The following CPD variants were observed in gnomAD, a reference collection of about 807,000 sequenced individuals.
CPD encodes the protein metallocarboxypeptidase D.
In CPD, 69 loss-of-function variants were observed where a neutral mutation model predicts 138.3. The ratio of observed to expected loss-of-function variants is 0.50; its 90% CI spans 0.41 to 0.61. CPD has a LOEUF of 0.61. Ranked by LOEUF, CPD falls within the 20% of genes least tolerant of loss-of-function variation. CPD has a pLI of 0.00. For synonymous variants in CPD, 651 were observed against 642.1 expected (o/e 1.01, Z -0.21); for missense variants, 1,432 against 1,733.3 (o/e 0.83, Z 3.09).
chr17:30,463,349 G>A (rs958423699), intron 20 of CPD, among the ~76,000 whole-genome samples: 13 of 152,182 alleles, frequency 8.5e-5, no homozygotes, highest in African/African-American at 2.4e-4. Context: ...TTCTGAGAGA[G>A]GGAGGAATCT....
In CPD at chr17:30,461,103, TTTG is replaced by T. The variant is rs1433430203; in HGVS notation, c.3499-72_3499-70del. On this transcript the variant is annotated intron_variant, in intron 17 of 20. Transcript: ENST00000225719. ...CTACGTTTTCTTTTCATTTACTCCA[TTTG>T]TTGTATTACAAAGCCTTATTCTTTC... 7 of 1,158,340 alleles carry T rather than the reference TTTG, an allele frequency of 6.0e-6. 1 individual carries two copies. In the African/African-American group the frequency reaches 1.1e-4, roughly 18 times the overall value. 71.8% of individuals were successfully genotyped at this position (1,158,340 alleles called of 1,614,324 possible). A position where few individuals can be genotyped will look rare whatever the true frequency, so the allele number is the denominator to read the frequency against.
chr17:30,390,228 G>C (rs1911315757), intron 2 of CPD, among the ~76,000 whole-genome samples: 1 of 152,098 alleles, frequency 6.6e-6, no homozygotes, highest in African/African-American at 2.4e-5. Context: ...TGTTGACCAG[G>C]CTGGTCTTGA....
At chr17:30,421,868 A>G in intron 4 of CPD, 35 bp downstream of exon 4, 1 of 1,489,676 alleles carries the variant, frequency 6.7e-7, no homozygotes, top group Non-Finnish European at 9.3e-7. Context: ...CTTAGTTAAA[A>G]TGTCAAGTCT....
At chr17:30,402,262 G>A (rs1363321018) in intron 2 of CPD, among the ~76,000 whole-genome samples, 1 of 151,832 alleles carries the variant, frequency 6.6e-6, no homozygotes, top group Non-Finnish European at 1.5e-5. Context: ...CTTTAAGACT[G>A]TTTAATCTTA....
At chr17:30,417,414 T>A (rs1302935879) in intron 2 of CPD, among the ~76,000 whole-genome samples, 1 of 152,148 alleles carries the variant, frequency 6.6e-6, no homozygotes, top group East Asian at 1.9e-4. Flanking sequence ...CTCCCCAAGC[T>A]CCAGACCTGT....
rs1910986941 is a variant in CPD at position 30,379,588 on chromosome 17, C to T, written c.608C>T (p.Ser203Phe). ...TGTGGCTTCGGCGACGGCGGCCCGT[C>T]CGGGGCCAGCGGCCGCGACAATAGT... The part of the protein sequence containing the change: ...GDCGFGDGGP[S>F]GASGRDNSRG... The change falls in exon 1 of 21, where the codon TCC becomes TTC. Residue 203 changes from serine to phenylalanine, a missense_variant. Ser to Phe is a radical substitution (Grantham distance 155, BLOSUM62 -2). Around this residue, in one of 6 missense-constraint regions of CPD, gnomAD observed 484 missense variants for 477.2 expected, o/e 1.01. Transcript: ENST00000225719. This position sits in a 1 kb window ranked among gnomAD's most constrained non-coding sequence, Gnocchi z 7.0. The T allele has an allele frequency of 1.3e-6, 2 of 1,488,892 alleles. No homozygotes were observed. The highest frequency in any genetic ancestry group is 1.8e-6 in the Non-Finnish European group (2 of 1,133,532). 92.2% of individuals were successfully genotyped at this position (1,488,892 alleles called of 1,614,324 possible). A position where few individuals can be genotyped will look rare whatever the true frequency, so the allele number is the denominator to read the frequency against.
At chr17:30,414,911 G>A (rs1163673547) in intron 2 of CPD, among the ~76,000 whole-genome samples, 1 of 152,212 alleles carries the variant, frequency 6.6e-6, no homozygotes. Context: ...GCAGTTGGAT[G>A]TACAAGTCTG....
At chr17:30,425,969 G>T (rs1912395287) in intron 6 of CPD, among the ~76,000 whole-genome samples, 1 of 152,090 alleles carries the variant, frequency 6.6e-6, no homozygotes, top group African/African-American at 2.4e-5. Flanking sequence ...GGGAGGCCAA[G>T]GTGGGTGGAT....
intron 19 of CPD, 52 bp downstream of exon 19, chr17:30,462,114 C>T (rs1203398362): frequency 2.1e-6 from 3 of 1,459,066 alleles, no homozygotes; most frequent in East Asian, 2.4e-5. Flanking sequence ...CTTAATAATA[C>T]TTCTGTTTTA....
At chr17:30,448,782 G>A (rs907132597) in intron 12 of CPD, among the ~76,000 whole-genome samples, 5 of 151,914 alleles carry the variant, frequency 3.3e-5, no homozygotes, top group African/African-American at 9.7e-5. Context: ...AAAATATAAC[G>A]TGACTTATTT....
intron 2 of CPD, among the ~76,000 whole-genome samples, chr17:30,409,338 C>T (rs562463188): frequency 5.3e-4 from 77 of 146,414 alleles, no homozygotes; most frequent in African/African-American, 1.8e-3. Context: ...TGTGTCTCTG[C>T]CAGGCTTTGG....
intron 2 of CPD, among the ~76,000 whole-genome samples, chr17:30,388,593 C>T (rs1911260747): frequency 6.6e-6 from 1 of 152,190 alleles, no homozygotes; most frequent in Non-Finnish European, 1.5e-5. Flanking sequence ...GGCCAGGCAG[C>T]AGGAGCAGGC....
Position 30,465,075 on chromosome 17 carries a change from T to C in CPD, c.*261T>C, listed in dbSNP as rs561210223. On this transcript the variant is annotated 3_prime_UTR_variant, in exon 21 of 21. Coordinates refer to ENST00000225719, the MANE Select transcript of CPD (RefSeq NM_001304.5). ...TTTTTCTTTTTAATTTAAGATGAGC[T>C]ATTTGGAGCTTATGTAATAATGGCA... 3.0e-5 allele frequency: 12 copies of C among 404,318 alleles called. No homozygotes were observed. Among genetic ancestry groups the C allele is most frequent in the South Asian group, 2.6e-4 (9 of 35,008 alleles). The allele number at this position is 404,318 out of a possible 1,614,324, so 25.0% of individuals were successfully genotyped here. A position where few individuals can be genotyped will look rare whatever the true frequency, so the allele number is the denominator to read the frequency against.
In CPD at chr17:30,468,367, A is replaced by T. The variant is rs1913700265; in HGVS notation, c.*3553A>T. On this transcript the variant is annotated 3_prime_UTR_variant, in exon 21 of 21. Transcript: ENST00000225719. ...GATTTTCTGGAGGTATGACAATAGT[A>T]TTTTTTTATGCTCAGATTAAAAATC... 1 of 152,460 alleles carries T rather than the reference A, an allele frequency of 6.6e-6. No individual in the cohort carries two copies. The allele number at this position is 152,460 out of a possible 1,614,324, so 9.4% of individuals were successfully genotyped here. A position where few individuals can be genotyped will look rare whatever the true frequency, so the allele number is the denominator to read the frequency against.
chr17:30,405,711 G>A (rs1911785351), intron 2 of CPD, among the ~76,000 whole-genome samples: 1 of 152,030 alleles, frequency 6.6e-6, no homozygotes, highest in Admixed American at 6.6e-5. Context: ...TTAGTAATAT[G>A]GCAATGCAGG....
At chr17:30,401,979 T>C (rs532528536) in intron 2 of CPD, among the ~76,000 whole-genome samples, 41 of 151,902 alleles carry the variant, frequency 2.7e-4, no homozygotes, top group African/African-American at 9.4e-4. Flanking sequence ...CATTTTTTTT[T>C]CTCTCCTGAG....
chr17:30,423,064 T>G (rs1463541792), intron 5 of CPD, 41 bp downstream of exon 5: 1 of 1,431,924 alleles, frequency 7.0e-7, no homozygotes. Context: ...GTAGTGCCCC[T>G]CAAAGCCATG....
At chr17:30,423,111 A>G in intron 5 of CPD, 88 bp downstream of exon 5, 1 of 1,014,608 alleles carries the variant, frequency 9.9e-7, no homozygotes, top group Non-Finnish European at 1.4e-6. Flanking sequence ...AAGGTCGCCT[A>G]CAGTTTGTAT....
At chr17:30,431,630 G>T (rs1171590140) in intron 7 of CPD, 142 bp from the exon 8 acceptor site, 2 of 626,124 alleles carry the variant, frequency 3.2e-6, no homozygotes, top group Non-Finnish European at 5.6e-6. Context: ...GAAGAAATTA[G>T]TGTAATTTTC....
Sources: gnomAD v4.1 joint callset for allele counts (sites outside exome capture counted in the v4.1 genomes callset) on GRCh38, gnomAD v4.1.1 for gene constraint, gnomAD v4.1.1 regional missense constraint, Gnocchi (gnomAD v3.1) non-coding constraint, MANE v1.5 for transcripts, NCBI Gene and HGNC (gene_info 2026-07-23, HGNC 2026-07-21) for gene names.